Variants in TRIP13 observed in about 807,000 individuals in gnomAD.
The protein encoded by TRIP13 is pachytene checkpoint protein 2 homolog.
TRIP13 carries 25 observed loss-of-function variants against 54.4 expected under a neutral mutation model. The observed-to-expected ratio is 0.46, with a 90% confidence interval of 0.33 to 0.64. The LOEUF (loss-of-function observed/expected upper bound fraction) is 0.64, where lower values mean the gene tolerates loss of function less well. Among genes scored for constraint, TRIP13 ranks in the 30% least tolerant of loss-of-function variants. TRIP13 has a pLI of 0.02. For missense variants in TRIP13, 373 were observed against 534.2 expected, an observed-to-expected ratio of 0.70 and a Z score of 2.97; for synonymous variants, 207 against 207.8, an observed-to-expected ratio of 1.00 and a Z score of 0.03.
At position 911,843 on chromosome 5, in the gene TRIP13, G is replaced by A. The variant is rs1754239449; in HGVS notation, c.867G>A (p.Arg289=). 6.2e-7 allele frequency: 1 copy of A among 1,606,596 alleles called. No homozygotes were observed. The highest frequency in any genetic ancestry group is 8.5e-7 in the Non-Finnish European group (1 of 1,177,632). The part of the protein sequence containing the change: ...AVLTQIDQIK[R]HSNVVILTTS... ...GGTGCTTGCTTCTCGGCCACAACAG[G>A]CATTCCAATGTTGTGATTCTGACCA... The change falls in exon 10 of 13, where the codon AGG becomes AGA. Residue 289 remains arginine, a splice_region_variant and synonymous_variant. Coordinates refer to ENST00000166345, the MANE Select transcript of TRIP13 (RefSeq NM_004237.4). The surrounding 1 kb of genome is among the most constrained non-coding windows in gnomAD (Gnocchi z 4.7).
Position 892,979 on chromosome 5 carries a change from C to T in TRIP13, c.-20C>T, listed in dbSNP as rs1753697391. 6.5e-7 allele frequency: 1 copy of T among 1,547,470 alleles called. No individual in the cohort carries two copies. Among genetic ancestry groups the T allele is most frequent in the East Asian group, 2.5e-5 (1 of 40,558 alleles). On this transcript the variant is annotated 5_prime_UTR_variant, in exon 1 of 13. Coordinates refer to ENST00000166345, the MANE Select transcript of TRIP13 (RefSeq NM_004237.4). ...CGGCGGCCGCGCCCTGGTTGGGTCC[C>T]CACTGCTCTCGGGGGCGCCATGGAC... is the stretch of plus-strand genomic sequence containing the variant.
At chr5:918,715 C>T (rs545459294), downstream of TRIP13, among the ~76,000 whole-genome samples, 56 of 152,260 alleles carry the variant, frequency 3.7e-4, no homozygotes, top group Non-Finnish European at 5.6e-4. The surrounding 1 kb of genome is among the most constrained non-coding windows in gnomAD (Gnocchi z 4.3). Flanking sequence ...AGAGCCACTC[C>T]GAGTCCCAAA....
intron 5 of TRIP13, among the ~76,000 whole-genome samples, chr5:903,340 T>C (rs527964909): frequency 2.0e-4 from 30 of 152,278 alleles, no homozygotes; most frequent in African/African-American, 6.7e-4. Context: ...CTTCTCACTA[T>C]GTCCCCTCAG....
At chr5:918,423 C>T (rs1754376223), downstream of TRIP13, among the ~76,000 whole-genome samples, 1 of 152,166 alleles carries the variant, frequency 6.6e-6, no homozygotes, top group Non-Finnish European at 1.5e-5. The surrounding 1 kb of genome is among the most constrained non-coding windows in gnomAD (Gnocchi z 4.3). Flanking sequence ...CTAACAGCTC[C>T]CCCACCTCCA....
At position 908,523 on chromosome 5, in the gene TRIP13, C is replaced by T. The variant is rs1226906889; in HGVS notation, c.866+62C>T. The T allele has an allele frequency of 2.3e-5, 37 of 1,600,972 alleles. No homozygotes were observed. The highest frequency in any genetic ancestry group is 2.7e-5 in the African/African-American group (2 of 74,828). On this transcript the variant is annotated intron_variant, in intron 9 of 12. Transcript: ENST00000166345. The surrounding 1 kb of genome is among the most constrained non-coding windows in gnomAD (Gnocchi z 5.2). ...ATGAGAAGTTTGTCCCAAAGAAATG[C>T]GTGATACTTGTGCAACCCTAGATCT...
At chr5:894,213 G>A (rs932931772) in intron 1 of TRIP13, among the ~76,000 whole-genome samples, 1 of 152,188 alleles carries the variant, frequency 6.6e-6, no homozygotes, top group Admixed American at 6.5e-5. Flanking sequence ...GACTGCAGTT[G>A]ATCAGGCCAG....
chr5:905,552 G>A (rs1455837489), intron 6 of TRIP13, among the ~76,000 whole-genome samples: 5 of 152,160 alleles, frequency 3.3e-5, no homozygotes, highest in East Asian at 1.9e-4. Flanking sequence ...GCTCCCTCCC[G>A]TGCCTGTGGT....
In TRIP13 at chr5:912,689, C is replaced by T. The variant is rs973387170; in HGVS notation, c.1020+693C>T. On this transcript the variant is annotated intron_variant, in intron 10 of 12. Transcript: ENST00000166345. This position sits in a 1 kb window ranked among gnomAD's most constrained non-coding sequence, Gnocchi z 7.2. ...AAGGCCGTCGCCATGGGCACAGTGA[C>T]GCGTGTGGTGAGTGTGCGTGAGTCT... 9.2e-5 allele frequency among the ~76,000 whole-genome samples: 14 copies of T among 151,436 alleles called. No individual in the cohort carries two copies. Among genetic ancestry groups the T allele is most frequent in the Non-Finnish European group, 1.9e-4 (13 of 67,896 alleles).
intron 6 of TRIP13, among the ~76,000 whole-genome samples, chr5:904,936 A>G (rs1185083240): frequency 2.6e-5 from 4 of 151,912 alleles, no homozygotes; most frequent in Non-Finnish European, 5.9e-5. Context: ...CATGATTGTC[A>G]TTTCTGATTG....
intron 4 of TRIP13, 56 bp from the exon 5 acceptor site, chr5:901,285 T>TG (rs1160775088): frequency 2.6e-5 from 41 of 1,553,808 alleles, no homozygotes; most frequent in Non-Finnish European, 3.4e-5. Flanking sequence ...GCACATTTCT[T>TG]GGGGACCTTT....
intron 4 of TRIP13, 91 bp from the exon 5 acceptor site, chr5:901,250 A>C: frequency 8.7e-7 from 1 of 1,152,734 alleles, no homozygotes; most frequent in Non-Finnish European, 1.3e-6. Context: ...CCCTCTTCTC[A>C]TGTAGGATTA....
At chr5:895,821 C>G (rs1387606596) in intron 2 of TRIP13, among the ~76,000 whole-genome samples, 6 of 152,140 alleles carry the variant, frequency 3.9e-5, no homozygotes, top group Non-Finnish European at 8.8e-5. Flanking sequence ...GTAGATCTTT[C>G]TGAACAGATG....
chr5:909,706 T>A lies in TRIP13; in HGVS notation c.866+1245T>A, dbSNP rs371139270. ...CACGTATTTATTAACAGCAAGCCAG[T>A]CATTAGCATTGTTTCTATAGATATT... On this transcript the variant is annotated intron_variant, in intron 9 of 12. Coordinates refer to ENST00000166345, the MANE Select transcript of TRIP13 (RefSeq NM_004237.4). Among the ~76,000 whole-genome samples the A allele has an allele frequency of 4.6e-3, 699 of 152,322 alleles. 8 individuals carry two copies. Among genetic ancestry groups the A allele is most frequent in the African/African-American group, 0.016 (664 of 41,572 alleles).
Position 915,046 on chromosome 5 carries a change from T to G in TRIP13, c.1133+469T>G, listed in dbSNP as rs1225871396. Among the ~76,000 whole-genome samples, 1 of 151,936 alleles carries G rather than the reference T, an allele frequency of 6.6e-6. No homozygotes were observed. The highest frequency in any genetic ancestry group is 1.5e-5 in the Non-Finnish European group (1 of 67,966). ...GGTTGCAGTGTGGAGGCTGGGGAGG[T>G]GCCGGAGAGGCGGGGGGTGGAATGG... On this transcript the variant is annotated intron_variant, in intron 11 of 12. Transcript: ENST00000166345. This position sits in a 1 kb window ranked among gnomAD's most constrained non-coding sequence, Gnocchi z 4.2.
intron 6 of TRIP13, among the ~76,000 whole-genome samples, chr5:905,212 C>G (rs1037055301): frequency 6.6e-6 from 1 of 152,028 alleles, no homozygotes; most frequent in African/African-American, 2.4e-5. Context: ...TCTGGGGTCT[C>G]CACTGAGTGT....
rs1340861917 is a variant in TRIP13 at position 908,186 on chromosome 5, T to C, written c.759+112T>C. The C allele has an allele frequency of 7.1e-6, 10 of 1,411,466 alleles. No individual in the cohort carries two copies. The highest frequency in any genetic ancestry group is 1.0e-5 in the Non-Finnish European group (10 of 1,003,810). The allele number at this position is 1,411,466 out of a possible 1,614,324, so 87.4% of individuals were successfully genotyped here. A position where few individuals can be genotyped will look rare whatever the true frequency, so the allele number is the denominator to read the frequency against. On this transcript the variant is annotated intron_variant, in intron 8 of 12. Coordinates refer to ENST00000166345, the MANE Select transcript of TRIP13 (RefSeq NM_004237.4). This position sits in a 1 kb window ranked among gnomAD's most constrained non-coding sequence, Gnocchi z 5.2. The stretch of plus-strand genomic sequence containing the variant: ...CCCCTCCTACAGCCGGGCTGCCCTC[T>C]ATCCCTCCCTGCACTGTGCGCCTTT...
intron 2 of TRIP13, 46 bp downstream of exon 2, chr5:894,998 A>C: frequency 6.7e-7 from 1 of 1,490,678 alleles, no homozygotes; most frequent in Non-Finnish European, 8.8e-7. Context: ...GCTGAATACA[A>C]AAGGTTGTAT....
At chr5:902,951 T>C (rs1754026544) in intron 5 of TRIP13, among the ~76,000 whole-genome samples, 1 of 152,216 alleles carries the variant, frequency 6.6e-6, no homozygotes, top group Non-Finnish European at 1.5e-5. Context: ...GTACTTTCAC[T>C]AATTTGCTAC....
At position 911,695 on chromosome 5, in the gene TRIP13, C is replaced by T. The variant is rs973485865; in HGVS notation, c.867-148C>T. 12 of 929,790 alleles carry T rather than the reference C, an allele frequency of 1.3e-5. No individual in the cohort carries two copies. The highest frequency in any genetic ancestry group is 3.8e-5 in the South Asian group (2 of 52,624). 57.6% of individuals were successfully genotyped at this position (929,790 alleles called of 1,614,324 possible). A position where few individuals can be genotyped will look rare whatever the true frequency, so the allele number is the denominator to read the frequency against. On this transcript the variant is annotated intron_variant, in intron 9 of 12. Transcript: ENST00000166345. This position sits in a 1 kb window ranked among gnomAD's most constrained non-coding sequence, Gnocchi z 4.7. ...GCGAGAGCAAAGGCTGGGGGGTCTG[C>T]GTGGCCTGTGTTGGCACAAGGCCAC...
Sources: allele counts gnomAD v4.1 joint callset (sites outside exome capture counted in the v4.1 genomes callset), GRCh38; gene constraint gnomAD v4.1.1; non-coding constraint Gnocchi (gnomAD v3.1); transcripts MANE v1.5; gene names NCBI Gene and HGNC (gene_info 2026-07-23, HGNC 2026-07-21).